MYO15B: variants seen among roughly 807,000 people sequenced by gnomAD.
The protein encoded by MYO15B is myosin XVB pseudogene.
In MYO15B, 207 loss-of-function variants were observed where a neutral mutation model predicts 119.3. The observed-to-expected ratio is 1.73, with a 90% CI of 1.55 to 1.95. The LOEUF (loss-of-function observed/expected upper bound fraction) is 1.95. Ranked by LOEUF, MYO15B falls within the 30% of genes most tolerant of loss-of-function variation. The pLI, the probability that MYO15B is intolerant of heterozygous loss-of-function variation, is 0.00. For missense variants in MYO15B, 2,264 were observed against 1,203.1 expected, an observed-to-expected ratio of 1.88 and a Z score of -13.04; for synonymous variants, 966 against 498.9, an observed-to-expected ratio of 1.94 and a Z score of -12.48.
intron 21 of MYO15B, among the ~76,000 whole-genome samples, chr17:75,609,485 A>ATTTTTTTTTTTTTTTTTT (rs749247022): frequency 3.8e-5 from 3 of 77,996 alleles, no homozygotes; most frequent in African/African-American, 5.5e-5. Context: ...AAGGGAAATG[A>ATTTTTTTTTTTTTTTTTT]TTTTTTTTTT....
chr17:75,625,497 G>A (rs2058989494), intron 60 of MYO15B, 30 bp from the exon 61 acceptor site: 1 of 702,846 alleles, frequency 1.4e-6, no homozygotes, highest in Non-Finnish European at 2.6e-6. Context: ...GGTGGTCAGG[G>A]GCCAAACTGA....
chr17:75,620,059 C>T lies in MYO15B; in HGVS notation c.7443+39C>T, dbSNP rs768701250. ...ACGGGTTGAGAGGCCGGGCAGACAG[C>T]CCTCACCGATGCTGCATCTCCCTGT... On this transcript the variant is annotated intron_variant, in intron 47 of 63. Coordinates refer to ENST00000645453, the Ensembl canonical transcript of MYO15B. 8 of 683,392 alleles carry T rather than the reference C, an allele frequency of 1.2e-5. No individual in the cohort carries two copies. In the Admixed American group the frequency reaches 1.4e-4, roughly 12 times the overall value. The allele number at this position is 683,392 out of a possible 1,614,324, so 42.3% of individuals were successfully genotyped here. A position where few individuals can be genotyped will look rare whatever the true frequency, so the allele number is the denominator to read the frequency against.
chr17:75,626,046 C>T, intron 62 of MYO15B, 42 bp from the exon 63 acceptor site: 1 of 698,350 alleles, frequency 1.4e-6, no homozygotes, highest in African/African-American at 1.8e-5. Flanking sequence ...ACAATGACCC[C>T]TCCCCGGAGA....
chr17:75,605,716 C>A, intron 20 of MYO15B, 95 bp downstream of exon 20: 2 of 676,378 alleles, frequency 3.0e-6, no homozygotes. Flanking sequence ...ATTTGGGGAT[C>A]CATCCAAGTG....
intron 9 of MYO15B, among the ~76,000 whole-genome samples, chr17:75,593,958 C>T (rs1040408598): frequency 6.7e-6 from 1 of 150,362 alleles, no homozygotes; most frequent in Non-Finnish European, 1.5e-5. Context: ...GGCATGGTGG[C>T]ATGTGCCTGT....
In MYO15B at chr17:75,602,312, G is replaced by C. The variant is rs933985450; in HGVS notation, c.3652-205G>C. On this transcript the variant is annotated intron_variant, in intron 15 of 63. Coordinates refer to ENST00000645453, the Ensembl canonical transcript of MYO15B. ...GCCCCAGTGGGGAGAGTGTGGTCTT[G>C]CTGGGGACTGGACCTGTCCATGGGG... 5.0e-5 allele frequency: 34 copies of C among 686,860 alleles called. No homozygotes were observed. The Admixed American group carries it at 6.3e-4, about 13-fold the overall frequency. The allele number at this position is 686,860 out of a possible 1,614,324, so 42.5% of individuals were successfully genotyped here.
chr17:75,623,664 TGA>T (rs1354080235), intron 53 of MYO15B, 115 bp from the exon 54 acceptor site: 9 of 652,810 alleles, frequency 1.4e-5, no homozygotes, highest in Middle Eastern at 3.1e-4. Flanking sequence ...TGTCTTAAGC[TGA>T]GAGAGACATC....
intron 29 of MYO15B, 46 bp from the exon 30 acceptor site, chr17:75,614,153 C>T (rs1422950916): frequency 1.6e-5 from 11 of 696,688 alleles, no homozygotes; most frequent in African/African-American, 3.5e-5. Flanking sequence ...TCCTTGCCCC[C>T]TTCTGGATGG....
At chr17:75,624,125 G>A (rs2058873478) in intron 55 of MYO15B, 50 bp from the exon 56 acceptor site, 1 of 702,570 alleles carries the variant, frequency 1.4e-6, no homozygotes, top group African/African-American at 1.7e-5. Context: ...GAACTTGGTG[G>A]GCTTGGGGAG....
chr17:75,597,049 G>A, intron 14 of MYO15B, 150 bp downstream of exon 14: 1 of 572,352 alleles, frequency 1.7e-6, no homozygotes, highest in South Asian at 2.3e-5. Context: ...GCCTGGGACA[G>A]CAGCAGCGAA....
intron 14 of MYO15B, 28 bp from the exon 15 acceptor site, chr17:75,601,410 T>C (rs1568143157): frequency 1.4e-6 from 1 of 702,488 alleles, no homozygotes; most frequent in Non-Finnish European, 2.6e-6. Context: ...TGCAGAGGCG[T>C]GAAGGGAGCT....
rs2147680982 is a variant in MYO15B, at chr17:75,589,769, C to CG, written c.1717dup (p.Glu573GlyfsTer15). ...GAAGAAGCGTCCGCAGATGCCCCCACGGGGGAAGGCCGAGGTTGGCCTCGT... is the reference window on the plus strand; with the variant it reads ...GAAGAAGCGTCCGCAGATGCCCCCACGGGGGGAAGGCCGAGGTTGGCCTCGT... On this transcript the variant is annotated frameshift_variant, in exon 1 of 64. Transcript: ENST00000645453. LOFTEE classifies it high-confidence loss of function. The surrounding 1 kb of genome is among the most constrained non-coding windows in gnomAD (Gnocchi z 4.2). 2.5e-6 allele frequency: 1 copy of CG among 393,886 alleles called. No homozygotes were observed. Among genetic ancestry groups the CG allele is most frequent in the East Asian group, 3.6e-5 (1 of 27,768 alleles). 24.4% of individuals were successfully genotyped at this position (393,886 alleles called of 1,614,324 possible). A position where few individuals can be genotyped will look rare whatever the true frequency, so the allele number is the denominator to read the frequency against.
exon 1 of MYO15B, chr17:75,590,213 T>A (rs1473815252): frequency 5.0e-6 from 2 of 399,004 alleles, no homozygotes; most frequent in African/African-American, 4.1e-5. Context: ...GGAGACGGCC[T>A]GGAAGACATG....
chr17:75,595,641 C>T (rs922536958), intron 12 of MYO15B, among the ~76,000 whole-genome samples: 2 of 152,202 alleles, frequency 1.3e-5, no homozygotes, highest in African/African-American at 2.4e-5. Context: ...CCACTCTGGC[C>T]GGTCCTGCCT....
At chr17:75,609,485 A>ATTTTTTTTTTTTTTT (rs749247022) in intron 21 of MYO15B, among the ~76,000 whole-genome samples, 3 of 77,998 alleles carry the variant, frequency 3.8e-5, no homozygotes, top group Non-Finnish European at 7.1e-5. Flanking sequence ...AAGGGAAATG[A>ATTTTTTTTTTTTTTT]TTTTTTTTTT....
At chr17:75,610,470 T>C (rs966332763) in intron 22 of MYO15B, among the ~76,000 whole-genome samples, 9 of 152,142 alleles carry the variant, frequency 5.9e-5, no homozygotes, top group Admixed American at 5.2e-4. Context: ...CCCTGCCTAC[T>C]CTCCCCAGGG....
intron 15 of MYO15B, chr17:75,602,190 T>C: frequency 2.6e-6 from 1 of 385,800 alleles, no homozygotes; most frequent in Non-Finnish European, 4.8e-6. Flanking sequence ...ATACAAGGAG[T>C]TCAAGAAAGC....
exon 29 of MYO15B, chr17:75,613,725 G>A: frequency 2.8e-6 from 2 of 702,530 alleles, no homozygotes; most frequent in Non-Finnish European, 5.2e-6. Flanking sequence ...CTCGGCCGAG[G>A]TGGAGTCTTG....
intron 53 of MYO15B, among the ~76,000 whole-genome samples, chr17:75,623,321 T>A (rs1316586899): frequency 6.7e-6 from 1 of 148,178 alleles, no homozygotes; most frequent in East Asian, 2.0e-4. Flanking sequence ...CAAGACTGTC[T>A]CAAAAAAATA....
Sources: gnomAD v4.1 joint callset for allele counts (sites outside exome capture counted in the v4.1 genomes callset) on GRCh38, gnomAD v4.1.1 for gene constraint, Gnocchi (gnomAD v3.1) non-coding constraint, MANE v1.5 for transcripts, NCBI Gene and HGNC (gene_info 2026-07-23, HGNC 2026-07-21) for gene names.